Variants in SHANK2 observed in about 807,000 individuals in gnomAD.
The protein encoded by SHANK2 is SH3 and multiple ankyrin repeat domains 2.
Under a neutral mutation model 133.7 loss-of-function variants are expected in SHANK2, and 43 were observed. The ratio of observed to expected loss-of-function variants is 0.32; its 90% CI spans 0.25 to 0.41. The LOEUF (loss-of-function observed/expected upper bound fraction) is 0.41. Among genes scored for constraint, SHANK2 ranks in the 10% least tolerant of loss-of-function variants. The pLI, the probability that SHANK2 is intolerant of heterozygous loss-of-function variation, is 1.00. For missense variants in SHANK2, 1,994 were observed against 2,235.8 expected (o/e 0.89, Z 2.18); for synonymous variants, 1,017 against 952.8 (o/e 1.07, Z -1.24).
intron 2 of SHANK2, among the ~76,000 whole-genome samples, chr11:71,210,795 G>C (rs933722540): frequency 2.6e-5 from 4 of 152,198 alleles, no homozygotes; most frequent in African/African-American, 7.2e-5. Context: ...CTCCACACCT[G>C]GACAGCACTC....
At chr11:70,572,310 C>A (rs2060055588) in intron 17 of SHANK2, among the ~76,000 whole-genome samples, 1 of 152,226 alleles carries the variant, frequency 6.6e-6, no homozygotes, top group South Asian at 2.1e-4. Context: ...CAGGTCCCCA[C>A]CACCATACCC....
At chr11:70,630,134 T>C (rs190007455) in intron 17 of SHANK2, among the ~76,000 whole-genome samples, 3 of 152,332 alleles carry the variant, frequency 2.0e-5, no homozygotes, top group African/African-American at 7.2e-5. Flanking sequence ...GCTAGAAGGT[T>C]CCCTGATGGC....
chr11:71,169,898 A>G (rs1250757259), intron 2 of SHANK2, among the ~76,000 whole-genome samples: 2 of 152,144 alleles, frequency 1.3e-5, no homozygotes, highest in African/African-American at 4.8e-5. Flanking sequence ...AAATGTTTCC[A>G]TTTTATAGAA....
intron 1 of SHANK2, among the ~76,000 whole-genome samples, chr11:71,237,110 G>T (rs540976006): frequency 1.3e-5 from 2 of 152,296 alleles, no homozygotes; most frequent in East Asian, 3.9e-4. Flanking sequence ...AACCCGAGGG[G>T]ACTGCAGCAA....
chr11:70,867,653 C>A (rs1233460538), intron 11 of SHANK2, among the ~76,000 whole-genome samples: 1 of 152,220 alleles, frequency 6.6e-6, no homozygotes, highest in Non-Finnish European at 1.5e-5. Flanking sequence ...TCATTACCCA[C>A]TGAATTCAGA....
intron 12 of SHANK2, among the ~76,000 whole-genome samples, chr11:70,810,659 G>A (rs1948259589): frequency 1.3e-5 from 2 of 152,244 alleles, no homozygotes; most frequent in Admixed American, 1.3e-4. Flanking sequence ...GTGACCTTCA[G>A]TGAGTCACTT....
At chr11:70,636,564 C>CGT (rs1555004159) in intron 17 of SHANK2, among the ~76,000 whole-genome samples, 8 of 78,986 alleles carry the variant, frequency 1.0e-4, no homozygotes. Flanking sequence ...AGTACATGTG[C>CGT]ATGTGTGTGT....
chr11:70,486,573 C>T lies in SHANK2; in HGVS notation c.3720G>A (p.Lys1240=). The T allele has an allele frequency of 6.2e-7, 1 of 1,614,050 alleles. No homozygotes were observed. The change falls in exon 25 of 26, where the codon AAG becomes AAA. Residue 1240 remains lysine (K), a synonymous_variant. Coordinates refer to ENST00000601538, the MANE Select transcript of SHANK2 (RefSeq NM_012309.5). The surrounding 1 kb of genome is among the most constrained non-coding windows in gnomAD (Gnocchi z 8.0). The stretch of plus-strand genomic sequence containing the variant: ...TGTAAAGAGGTTTGTTGAGGTCGGC[C>T]TTGGGGGCCTCCCCTTTGGGTCCCT... The part of the protein sequence containing the change: ...SQQGPKGEAP[K]ADLNKPLYID...
intron 21 of SHANK2, among the ~76,000 whole-genome samples, chr11:70,498,519 G>C (rs1296664659): frequency 6.6e-6 from 1 of 152,166 alleles, no homozygotes; most frequent in African/African-American, 2.4e-5. Flanking sequence ...AGGGGCAGAG[G>C]CCCCACCCCA....
chr11:71,238,340 C>A (rs1331020210), intron 1 of SHANK2, among the ~76,000 whole-genome samples: 1 of 152,236 alleles, frequency 6.6e-6, no homozygotes, highest in Admixed American at 6.5e-5. Flanking sequence ...ACAGTAAGAA[C>A]AGTTGGCGGT....
At chr11:70,719,632 C>A (rs549719607) in intron 14 of SHANK2, among the ~76,000 whole-genome samples, 82 of 152,058 alleles carry the variant, frequency 5.4e-4, no homozygotes, top group Non-Finnish European at 9.9e-4. Flanking sequence ...ATAAAAATAG[C>A]CCTACCTGGC....
At chr11:71,196,839 G>C (rs568571123) in intron 2 of SHANK2, among the ~76,000 whole-genome samples, 2 of 151,760 alleles carry the variant, frequency 1.3e-5, no homozygotes, top group South Asian at 4.2e-4. Context: ...CTCTACTAAA[G>C]ATACAAAAGT....
At chr11:70,538,659 G>C (rs149750661) in intron 17 of SHANK2, among the ~76,000 whole-genome samples, 1 of 152,228 alleles carries the variant, frequency 6.6e-6, no homozygotes, top group East Asian at 1.9e-4. Flanking sequence ...CTCTTGCTCC[G>C]TCAGTGGTGG....
intron 14 of SHANK2, among the ~76,000 whole-genome samples, chr11:70,734,378 A>G (rs1946356986): frequency 6.6e-6 from 1 of 152,182 alleles, no homozygotes; most frequent in South Asian, 2.1e-4. Context: ...GGTGAGGCGC[A>G]TTTCATGATG....
At chr11:71,169,955 C>T (rs529752144) in intron 2 of SHANK2, among the ~76,000 whole-genome samples, 1 of 152,020 alleles carries the variant, frequency 6.6e-6, no homozygotes, top group South Asian at 2.1e-4. Flanking sequence ...GGCTGCAGTG[C>T]TCTGTGACCC....
At chr11:70,936,834 C>CA (rs1950577948) in intron 10 of SHANK2, among the ~76,000 whole-genome samples, 1 of 152,178 alleles carries the variant, frequency 6.6e-6, no homozygotes, top group South Asian at 2.1e-4. Context: ...AGCAGGAAAA[C>CA]ACCTCCAATG....
intron 17 of SHANK2, among the ~76,000 whole-genome samples, chr11:70,568,766 A>G (rs1224251592): frequency 2.0e-5 from 3 of 151,662 alleles, no homozygotes; most frequent in African/African-American, 7.3e-5. Context: ...TCAGGGAGCA[A>G]TTCTGCAAGA....
chr11:70,706,210 G>A (rs1295657865), intron 14 of SHANK2: 19 of 152,620 alleles, frequency 1.2e-4, no homozygotes, highest in African/African-American at 4.1e-4. Context: ...CTTTGTGTGT[G>A]CTTAACTCTG....
chr11:71,215,412 C>T (rs1417007992), intron 2 of SHANK2, among the ~76,000 whole-genome samples: 1 of 152,200 alleles, frequency 6.6e-6, no homozygotes, highest in Non-Finnish European at 1.5e-5. Flanking sequence ...CAGGTTCTGC[C>T]CTGGTCACCC....
Sources: gnomAD v4.1 joint callset for allele counts (sites outside exome capture counted in the v4.1 genomes callset) on GRCh38, gnomAD v4.1.1 for gene constraint, Gnocchi (gnomAD v3.1) non-coding constraint, MANE v1.5 for transcripts, NCBI Gene and HGNC (gene_info 2026-07-23, HGNC 2026-07-21) for gene names.